Variants in ASIC2 observed in about 807,000 individuals in gnomAD.
The protein encoded by ASIC2 is acid-sensing ion channel 2.
A neutral mutation model predicts 57.3 loss-of-function variants in ASIC2; 25 were observed. That is an observed-to-expected ratio of 0.44 (90% CI 0.32 to 0.61). The LOEUF is 0.61. Ranked by LOEUF, ASIC2 falls within the 20% of genes least tolerant of loss-of-function variation. ASIC2 has a pLI of 0.06. For missense variants in ASIC2, 641 were observed against 738.1 expected, an observed-to-expected ratio of 0.87 and a Z score of 1.52; for synonymous variants, 319 against 307.5, an observed-to-expected ratio of 1.04 and a Z score of -0.39.
intron 1 of ASIC2, among the ~76,000 whole-genome samples, chr17:33,161,711 T>C (rs1905164149): frequency 6.6e-6 from 1 of 152,184 alleles, no homozygotes; most frequent in Non-Finnish European, 1.5e-5. Flanking sequence ...TCTTTTACCA[T>C]CTGATGGCTG....
chr17:33,348,997 A>T (rs902427579), intron 1 of ASIC2, among the ~76,000 whole-genome samples: 4 of 152,182 alleles, frequency 2.6e-5, no homozygotes, highest in Admixed American at 6.5e-5. Flanking sequence ...GCAGACTCTT[A>T]TTCAGTAGCT....
At position 33,293,258 on chromosome 17, in the gene ASIC2, C is replaced by T. The variant is rs1053784377; in HGVS notation, c.-1143G>A. 6.6e-6 allele frequency among the ~76,000 whole-genome samples: 1 copy of T among 151,986 alleles called. No homozygotes were observed. Among genetic ancestry groups the T allele is most frequent in the African/African-American group, 2.4e-5 (1 of 41,418 alleles). On this transcript the variant is annotated 5_prime_UTR_variant, in exon 1 of 10. Transcript: ENST00000225823. The stretch of plus-strand genomic sequence containing the variant: ...GCGCGACGCTGGCGCGGCTGGGCTC[C>T]GAGCACCTGCTCCTCAGCTCGCTGG...
At chr17:34,100,172 C>T (rs1048097373) in intron 1 of ASIC2, among the ~76,000 whole-genome samples, 1 of 128,492 alleles carries the variant, frequency 7.8e-6, no homozygotes, top group Non-Finnish European at 1.6e-5. Context: ...TAACATTCTT[C>T]CTCTCTTTCT....
In ASIC2 at chr17:33,377,060, G is replaced by A. The variant is rs181402244; in HGVS notation, c.556-264993C>T. ...TAGGATAGAAAGTTTTTTTTGGAGGGGGGGAGCGGAGATGGAGTCATGCTC... is the reference window on the plus strand; with the variant it reads ...TAGGATAGAAAGTTTTTTTTGGAGGAGGGGAGCGGAGATGGAGTCATGCTC... On this transcript the variant is annotated intron_variant, in intron 1 of 9. Transcript: ENST00000359872. 3.0e-4 allele frequency among the ~76,000 whole-genome samples: 46 copies of A among 152,050 alleles called. No homozygotes were observed. The South Asian group carries it at 3.5e-3, about 12-fold the overall frequency.
Position 33,579,668 on chromosome 17 carries a change from G to A in ASIC2, c.556-467601C>T, listed in dbSNP as rs538000053. Among the ~76,000 whole-genome samples the A allele has an allele frequency of 8.5e-5, 13 of 152,132 alleles. No individual in the cohort carries two copies. The East Asian group carries it at 1.9e-3, about 23-fold the overall frequency. ...CTTCCTTCTGGTGGGCTCCTGGTCTGGCAGACTTCTAGAGTGAAGCTACAG... is the reference window on the plus strand; with the variant it reads ...CTTCCTTCTGGTGGGCTCCTGGTCTAGCAGACTTCTAGAGTGAAGCTACAG... On this transcript the variant is annotated intron_variant, in intron 1 of 9. Transcript: ENST00000359872.
At chr17:33,376,560 T>C (rs1450081080) in intron 1 of ASIC2, among the ~76,000 whole-genome samples, 2 of 152,186 alleles carry the variant, frequency 1.3e-5, no homozygotes, top group Non-Finnish European at 2.9e-5. Flanking sequence ...TATCAACACA[T>C]TCAATCCATC....
intron 1 of ASIC2, among the ~76,000 whole-genome samples, chr17:33,606,471 G>T (rs1905235223): frequency 1.3e-5 from 2 of 152,200 alleles, no homozygotes; most frequent in African/African-American, 4.8e-5. Context: ...CTCCACAGCA[G>T]TTCATGCAAA....
At chr17:34,083,281 T>G (rs1909968438) in intron 1 of ASIC2, among the ~76,000 whole-genome samples, 1 of 151,482 alleles carries the variant, frequency 6.6e-6, no homozygotes, top group African/African-American at 2.4e-5. Context: ...TGTTTGGTTT[T>G]TTGTTCTTGC....
At position 33,346,500 on chromosome 17, in the gene ASIC2, G is replaced by A. The variant is rs12943787; in HGVS notation, c.556-234433C>T. ...TTTCTATGTGTATATGAAAATGCGT[G>A]GGTATGCACACCTGTGTATGTGTGT... On this transcript the variant is annotated intron_variant, in intron 1 of 9. Transcript: ENST00000359872. 3.4e-3 allele frequency among the ~76,000 whole-genome samples: 516 copies of A among 151,928 alleles called. 4 individuals are homozygous for A. Among genetic ancestry groups the A allele is most frequent in the African/African-American group, 0.012 (496 of 41,260 alleles).
At chr17:34,134,831 A>T (rs1390797530) in intron 1 of ASIC2, among the ~76,000 whole-genome samples, 1 of 152,034 alleles carries the variant, frequency 6.6e-6, no homozygotes, top group Non-Finnish European at 1.5e-5. Flanking sequence ...GTCAAACTGC[A>T]CTCCTTACTC....
intron 1 of ASIC2, among the ~76,000 whole-genome samples, chr17:33,594,323 G>T (rs1904914759): frequency 6.6e-6 from 1 of 152,242 alleles, no homozygotes; most frequent in Admixed American, 6.5e-5. Flanking sequence ...TCATACCAGA[G>T]CAGGTACGGC....
At chr17:33,907,935 A>G (rs1247165445) in intron 1 of ASIC2, among the ~76,000 whole-genome samples, 1 of 152,222 alleles carries the variant, frequency 6.6e-6, no homozygotes, top group Non-Finnish European at 1.5e-5. Flanking sequence ...CAGTTCTTGC[A>G]AACATAAAAA....
At chr17:33,674,201 T>C (rs985754484) in intron 1 of ASIC2, among the ~76,000 whole-genome samples, 1 of 152,162 alleles carries the variant, frequency 6.6e-6, no homozygotes. Flanking sequence ...CCCGTGTCTT[T>C]AGCAAGATAT....
At chr17:33,322,153 A>G (rs555670457) in intron 1 of ASIC2, among the ~76,000 whole-genome samples, 1 of 152,270 alleles carries the variant, frequency 6.6e-6, no homozygotes, top group South Asian at 2.1e-4. Flanking sequence ...GTTTGTCTTC[A>G]TTTCCATCCC....
intron 1 of ASIC2, among the ~76,000 whole-genome samples, chr17:33,219,048 A>G (rs1001455404): frequency 2.0e-4 from 31 of 152,168 alleles, no homozygotes; most frequent in Admixed American, 1.9e-3. Flanking sequence ...CTTTTGTGCA[A>G]ACGAGACCAG....
At chr17:33,196,036 G>A (rs1023447695) in intron 1 of ASIC2, among the ~76,000 whole-genome samples, 15 of 152,120 alleles carry the variant, frequency 9.9e-5, no homozygotes, top group Middle Eastern at 3.2e-3. Flanking sequence ...CGGATACCCC[G>A]CCAGTCACTT....
At chr17:33,440,077 G>A (rs985735789) in intron 1 of ASIC2, among the ~76,000 whole-genome samples, 11 of 152,268 alleles carry the variant, frequency 7.2e-5, no homozygotes, top group Non-Finnish European at 1.2e-4. Flanking sequence ...TTTGCATAGT[G>A]CAATCATCAT....
At chr17:33,747,197 C>G (rs189603449) in intron 1 of ASIC2, among the ~76,000 whole-genome samples, 50 of 148,226 alleles carry the variant, frequency 3.4e-4, no homozygotes, top group Non-Finnish European at 6.4e-4. Flanking sequence ...GCACGTGACA[C>G]AAAACCTTGC....
In ASIC2 at chr17:33,879,525, T is replaced by G. The variant is rs543920183; in HGVS notation, c.555+276453A>C. On this transcript the variant is annotated intron_variant, in intron 1 of 9. Coordinates refer to the ASIC2 transcript ENST00000359872. Reference sequence around the variant, plus strand: ...GACAAAGAAGGCCATTACATAATGGTAAAGGGATCAATGCAACAAGAAGAG... The same window carrying G: ...GACAAAGAAGGCCATTACATAATGGGAAAGGGATCAATGCAACAAGAAGAG... Among the ~76,000 whole-genome samples, 257 of 152,170 alleles carry G rather than the reference T, an allele frequency of 1.7e-3. 1 individual carries two copies. The highest frequency in any genetic ancestry group is 3.1e-3 in the Non-Finnish European group (213 of 67,988).
Sources: gnomAD v4.1 joint callset for allele counts (sites outside exome capture counted in the v4.1 genomes callset) on GRCh38, gnomAD v4.1.1 for gene constraint, MANE v1.5 for transcripts, NCBI Gene and HGNC (gene_info 2026-07-23, HGNC 2026-07-21) for gene names.